The following MEGF11 variants were observed in gnomAD, a reference collection of about 807,000 sequenced individuals.
MEGF11 encodes the protein multiple EGF like domains 11.
A neutral mutation model predicts 146.6 loss-of-function variants in MEGF11; 126 were observed. That is an observed-to-expected ratio of 0.86 (90% CI 0.74 to 1.00). The LOEUF (loss-of-function observed/expected upper bound fraction) is 1.00, where lower values mean the gene tolerates loss of function less well. Among genes scored for constraint, MEGF11 ranks in the 50% least tolerant of loss-of-function variants. MEGF11 has a pLI of 0.00. For missense variants in MEGF11, 1,509 were observed against 1,521.2 expected, an observed-to-expected ratio of 0.99 and a Z score of 0.13; for synonymous variants, 532 against 583.4, an observed-to-expected ratio of 0.91 and a Z score of 1.27.
chr15:65,982,319 C>A lies in MEGF11; in HGVS notation c.564G>T (p.Pro188=). 1.3e-6 allele frequency: 2 copies of A among 1,530,968 alleles called. No individual in the cohort carries two copies. Among genetic ancestry groups the A allele is most frequent in the Non-Finnish European group, 1.8e-6 (2 of 1,139,474 alleles). The allele number at this position is 1,530,968 out of a possible 1,614,324, so 94.8% of individuals were successfully genotyped here. The change falls in exon 6 of 26, where the codon CCG becomes CCT. Residue 188 remains proline, a synonymous_variant. Transcript: ENST00000395614. The surrounding 1 kb of genome is among the most constrained non-coding windows in gnomAD (Gnocchi z 5.6). ...PGTHGKGCQL[P]CQCRHGASCD... ...AGCTGGCACCGTGTCGGCACTGGCA[C>A]GGCAGCTGGCATCCCTTGCCGTGGG...
intron 8 of MEGF11, among the ~76,000 whole-genome samples, chr15:65,966,770 C>T (rs2113690): frequency 0.31 from 46,349 of 151,770 alleles, 7,659 homozygotes; most frequent in East Asian, 0.62. Context: ...TTCATTTAAC[C>T]CACAGCCATG....
At chr15:66,073,845 A>G (rs934217117) in intron 5 of MEGF11, among the ~76,000 whole-genome samples, 1 of 152,236 alleles carries the variant, frequency 6.6e-6, no homozygotes, top group Non-Finnish European at 1.5e-5. Flanking sequence ...TTGTTGAACT[A>G]CATTAAGTGA....
chr15:66,148,766 G>A (rs572063774), intron 1 of MEGF11, among the ~76,000 whole-genome samples: 12 of 152,274 alleles, frequency 7.9e-5, no homozygotes, highest in Admixed American at 1.3e-4. Context: ...GGTCTGGTGC[G>A]GGGTCCCTGG....
intron 5 of MEGF11, among the ~76,000 whole-genome samples, chr15:66,052,245 G>C (rs2084478757): frequency 6.6e-6 from 1 of 152,156 alleles, no homozygotes; most frequent in African/African-American, 2.4e-5. Context: ...GGCTGTGCTG[G>C]GGGTGGGGGG....
Position 66,154,003 on chromosome 15 carries a change from C to T in MEGF11, c.-8-25592G>A, listed in dbSNP as rs189766843. Among the ~76,000 whole-genome samples the T allele has an allele frequency of 3.6e-3, 548 of 152,312 alleles. 2 individuals are homozygous for T. The highest frequency in any genetic ancestry group is 0.013 in the African/African-American group (522 of 41,576). On this transcript the variant is annotated intron_variant, in intron 1 of 25. Coordinates refer to ENST00000395614, the MANE Select transcript of MEGF11 (RefSeq NM_001385028.1). The stretch of plus-strand genomic sequence containing the variant: ...GGGTATCAACAGCTGCAGGGGGGCA[C>T]TGCACAGCTCCCCGAGCATGGCCAC...
chr15:66,000,020 C>T (rs2082313507), intron 5 of MEGF11, among the ~76,000 whole-genome samples: 1 of 152,188 alleles, frequency 6.6e-6, no homozygotes. Flanking sequence ...GCTTAACCCA[C>T]CGGACCTCTG....
chr15:66,087,150 C>T (rs1371182655), intron 5 of MEGF11, among the ~76,000 whole-genome samples: 6 of 152,192 alleles, frequency 3.9e-5, no homozygotes, highest in Non-Finnish European at 8.8e-5. Flanking sequence ...ATGCACCTAA[C>T]ACTGGAGCTC....
chr15:65,942,727 G>C (rs1389522830), intron 10 of MEGF11, among the ~76,000 whole-genome samples: 1 of 152,058 alleles, frequency 6.6e-6, no homozygotes, highest in Non-Finnish European at 1.5e-5. Context: ...GAGCTCTGTG[G>C]TTCCTGAGGG....
At chr15:66,032,939 G>C (rs1163263864) in intron 5 of MEGF11, among the ~76,000 whole-genome samples, 1 of 152,086 alleles carries the variant, frequency 6.6e-6, no homozygotes, top group African/African-American at 2.4e-5. Context: ...AAATTAGCCA[G>C]GTGTGGTGGC....
At chr15:65,929,601 A>G (rs766142796) in intron 12 of MEGF11, 119 bp downstream of exon 12, 483 of 1,226,972 alleles carry the variant, frequency 3.9e-4, no homozygotes, top group Non-Finnish European at 4.4e-4. Context: ...CCTAAATCCA[A>G]GTGTCCCATC....
At chr15:65,970,818 A>G (rs761031585) in intron 7 of MEGF11, 129 bp from the exon 8 acceptor site, 17 of 1,048,660 alleles carry the variant, frequency 1.6e-5, no homozygotes, top group Non-Finnish European at 1.5e-5. Context: ...GCTGGACACC[A>G]GGGCTCCAAA....
At chr15:65,983,346 G>A (rs113115971) in intron 5 of MEGF11, among the ~76,000 whole-genome samples, 7,122 of 152,286 alleles carry the variant, frequency 0.047, 274 homozygotes, top group Non-Finnish European at 0.069. Context: ...AAGGGGCTGA[G>A]TAGCAGAGCC....
At chr15:66,059,345 A>G (rs1345604477) in intron 5 of MEGF11, among the ~76,000 whole-genome samples, 2 of 152,140 alleles carry the variant, frequency 1.3e-5, no homozygotes, top group Admixed American at 1.3e-4. Context: ...CCCTTCTCCC[A>G]GCCCATAGCA....
At chr15:66,246,927 T>C (rs111568314) in intron 1 of MEGF11, among the ~76,000 whole-genome samples, 139 of 152,268 alleles carry the variant, frequency 9.1e-4, no homozygotes, top group African/African-American at 3.2e-3. Context: ...AGGGAGTCAC[T>C]GCGGCCTCCC....
rs2088465995 is a variant in MEGF11, at chr15:66,128,169, C to A, written c.98+137G>T. ...TACACATCTCTGTCCTGTCTCTCAG[C>A]ATGTGGGCCATCTCCCCAGCCAGGC... On this transcript the variant is annotated intron_variant, in intron 2 of 25. Transcript: ENST00000395614. 8.0e-6 allele frequency: 4 copies of A among 501,954 alleles called. No individual in the cohort carries two copies. In the East Asian group the frequency reaches 1.4e-4, roughly 17 times the overall value. 31.1% of individuals were successfully genotyped at this position (501,954 alleles called of 1,614,324 possible).
At chr15:65,945,852 AC>A (rs1382695860) in intron 10 of MEGF11, among the ~76,000 whole-genome samples, 1 of 152,130 alleles carries the variant, frequency 6.6e-6, no homozygotes, top group Non-Finnish European at 1.5e-5. Flanking sequence ...CTCTGGGTTT[AC>A]CCGCAGCTCA....
chr15:65,930,092 C>CT (rs2079520463), intron 11 of MEGF11, among the ~76,000 whole-genome samples: 2 of 152,198 alleles, frequency 1.3e-5, no homozygotes, highest in African/African-American at 4.8e-5. Context: ...CCTCCGGGTG[C>CT]TCATTGTTTG....
At chr15:66,224,114 C>T (rs2091795789) in intron 1 of MEGF11, among the ~76,000 whole-genome samples, 1 of 152,208 alleles carries the variant, frequency 6.6e-6, no homozygotes. Context: ...GTCTCCAGAA[C>T]CAGACCACTT....
intron 4 of MEGF11, among the ~76,000 whole-genome samples, chr15:66,097,677 C>T (rs1196664764): frequency 1.3e-5 from 2 of 151,434 alleles, no homozygotes; most frequent in African/African-American, 4.9e-5. Context: ...GCACTCTCAC[C>T]ACCCTGCTTC....
Sources: gnomAD v4.1 joint callset for allele counts (sites outside exome capture counted in the v4.1 genomes callset) on GRCh38, gnomAD v4.1.1 for gene constraint, Gnocchi (gnomAD v3.1) non-coding constraint, MANE v1.5 for transcripts, NCBI Gene and HGNC (gene_info 2026-07-23, HGNC 2026-07-21) for gene names.